SPTBN1: variants seen among roughly 807,000 people sequenced by gnomAD.
SPTBN1 encodes the protein spectrin beta chain, non-erythrocytic 1.
In SPTBN1, 32 loss-of-function variants were observed where a neutral mutation model predicts 266.4. The observed-to-expected ratio is 0.12, with a 90% CI of 0.09 to 0.16. The LOEUF (loss-of-function observed/expected upper bound fraction) is 0.16. Among genes scored for constraint, SPTBN1 ranks in the 10% least tolerant of loss-of-function variants. SPTBN1 has a pLI of 1.00. For missense variants in SPTBN1, 2,296 were observed against 3,067.1 expected (o/e 0.75, Z 5.94); for synonymous variants, 1,336 against 1,162.2 (o/e 1.15, Z -3.04).
In SPTBN1 at chr2:54,631,311, G is replaced by A; in HGVS notation, c.3264G>A (p.Glu1088=). 6.2e-7 allele frequency: 1 copy of A among 1,614,252 alleles called. No homozygotes were observed. The highest frequency in any genetic ancestry group is 8.5e-7 in the Non-Finnish European group (1 of 1,180,042). The change falls in exon 16 of 36, where the codon GAG becomes GAA. Residue 1088 remains glutamate, a synonymous_variant. Coordinates refer to ENST00000356805, the MANE Select transcript of SPTBN1 (RefSeq NM_003128.3). ...GGACCCAGACAGCGATCGCCTCGGA[G>A]GACATGCCAAACACCCTGACCGAGG... The part of the protein sequence containing the change: ...LSRTQTAIAS[E]DMPNTLTEAE...
Position 54,558,215 on chromosome 2 carries a change from CG to C in SPTBN1, c.148+31650del, listed in dbSNP as rs1673008583. The C allele has an allele frequency of 1.0e-6, 1 of 985,282 alleles. No individual in the cohort carries two copies. The highest frequency in any genetic ancestry group is 6.1e-5 in the Admixed American group (1 of 16,268). The allele number at this position is 985,282 out of a possible 1,614,324, so 61.0% of individuals were successfully genotyped here. ...CCGGGCGGCTGGGGCGACCGCGGAC[CG>C]TGCGGGACCGGTAGGGGGTCGCGGG... is the stretch of plus-strand genomic sequence containing the variant. On this transcript the variant is annotated intron_variant, in intron 2 of 35. Transcript: ENST00000356805. This position sits in a 1 kb window ranked among gnomAD's most constrained non-coding sequence, Gnocchi z 4.6.
Position 54,622,395 on chromosome 2 carries a change from T to C in SPTBN1, c.972T>C (p.Ile324=), listed in dbSNP as rs758463841. The C allele has an allele frequency of 6.9e-5, 111 of 1,614,084 alleles. No individual in the cohort carries two copies. The South Asian group carries it at 7.1e-4, about 10-fold the overall frequency. Residue 324 remains isoleucine, a synonymous_variant, in exon 9 of 36, where the codon ATT becomes ATC. Coordinates refer to ENST00000356805, the MANE Select transcript of SPTBN1 (RefSeq NM_003128.3). ...LLEWIEQTII[I]LNNRKFANSL... ...AATGGATTGAACAAACCATCATCAT[T>C]CTGAACAATCGCAAATTTGCCAATT...
At chr2:54,621,355 A>C in intron 7 of SPTBN1, 45 bp from the exon 8 acceptor site, 2 of 1,476,942 alleles carry the variant, frequency 1.4e-6, no homozygotes, top group Non-Finnish European at 1.9e-6. Context: ...TGGGTGGGGC[A>C]CAGTAGCATG....
chr2:54,474,018 A>T (rs571504619), intron 1 of SPTBN1, among the ~76,000 whole-genome samples: 3 of 152,346 alleles, frequency 2.0e-5, no homozygotes, highest in African/African-American at 7.2e-5. Context: ...GTGAAGGCAG[A>T]CGGAAACATT....
At chr2:54,538,084 T>C (rs1671714930) in intron 2 of SPTBN1, among the ~76,000 whole-genome samples, 1 of 152,216 alleles carries the variant, frequency 6.6e-6, no homozygotes, top group East Asian at 1.9e-4. Flanking sequence ...GATAAAGACA[T>C]TTTATAAAAT....
intron 4 of SPTBN1, 128 bp from the exon 5 acceptor site, chr2:54,616,079 G>C: frequency 3.0e-6 from 2 of 667,574 alleles, no homozygotes; most frequent in Non-Finnish European, 4.8e-6. Flanking sequence ...TCATTGACAG[G>C]GTAGATCGTC....
At chr2:54,551,581 T>G (rs766500785) in intron 2 of SPTBN1, among the ~76,000 whole-genome samples, 21 of 152,236 alleles carry the variant, frequency 1.4e-4, no homozygotes, top group Non-Finnish European at 2.2e-4. Flanking sequence ...GCCGTTTTTC[T>G]CCTCAGCAGT....
intron 1 of SPTBN1, among the ~76,000 whole-genome samples, chr2:54,471,800 A>ATTTTTTTTTTTTTCTTTTTTTTTTTT (rs1693934516): frequency 9.7e-6 from 1 of 102,718 alleles, no homozygotes; most frequent in Non-Finnish European, 1.9e-5. Context: ...TTTTTTATCG[A>ATTTTTTTTTTTTTCTTTTTTTTTTTT]TTTTTTTTTT....
chr2:54,670,417 G>A lies in SPTBN1; in HGVS notation c.*1848G>A. On this transcript the variant is annotated 3_prime_UTR_variant, in exon 36 of 36. Coordinates refer to ENST00000356805, the MANE Select transcript of SPTBN1 (RefSeq NM_003128.3). Reference sequence around the variant, plus strand: ...TTCCACAAAGACCATGCCTAAGGTGGCATCAGCCCTGGGCTCCACAGCTGC... The same window carrying A: ...TTCCACAAAGACCATGCCTAAGGTGACATCAGCCCTGGGCTCCACAGCTGC... 1 of 335,296 alleles carries A rather than the reference G, an allele frequency of 3.0e-6. No homozygotes were observed. The highest frequency in any genetic ancestry group is 5.4e-6 in the Non-Finnish European group (1 of 186,700). The allele number at this position is 335,296 out of a possible 1,614,324, so 20.8% of individuals were successfully genotyped here.
intron 2 of SPTBN1, 85 bp downstream of exon 2, chr2:54,526,651 C>A: frequency 1.4e-6 from 2 of 1,447,112 alleles, no homozygotes; most frequent in Non-Finnish European, 1.8e-6. Context: ...TCCCATGACG[C>A]TGTCATGTTC....
At chr2:54,484,786 TC>T (rs1050240781) in intron 1 of SPTBN1, among the ~76,000 whole-genome samples, 5 of 152,032 alleles carry the variant, frequency 3.3e-5, no homozygotes, top group South Asian at 2.1e-4. Context: ...GGAGACAAGC[TC>T]CCAGAAAGGC....
intron 28 of SPTBN1, 41 bp downstream of exon 28, chr2:54,655,249 G>C (rs368726919): frequency 1.2e-5 from 19 of 1,603,606 alleles, no homozygotes; most frequent in South Asian, 6.7e-5. Flanking sequence ...CTGGCGTCAA[G>C]ATGTAAAATG....
intron 2 of SPTBN1, among the ~76,000 whole-genome samples, chr2:54,594,891 A>G (rs559534484): frequency 3.8e-5 from 5 of 133,318 alleles, no homozygotes; most frequent in South Asian, 2.3e-4. Flanking sequence ...CTGGAGTGCA[A>G]TGGCACAATC....
chr2:54,599,620 T>C (rs1001840844), intron 3 of SPTBN1, among the ~76,000 whole-genome samples: 1 of 152,300 alleles, frequency 6.6e-6, no homozygotes, highest in South Asian at 2.1e-4. Context: ...TTTGTGTCTT[T>C]CTGGTTGTCT....
chr2:54,605,912 T>C (rs372593691), intron 3 of SPTBN1, among the ~76,000 whole-genome samples: 86 of 152,348 alleles, frequency 5.6e-4, no homozygotes, highest in Middle Eastern at 3.4e-3. Context: ...CCAGTCGCCA[T>C]CAGCATGGGG....
intron 2 of SPTBN1, among the ~76,000 whole-genome samples, chr2:54,547,103 C>T (rs1405826693): frequency 6.6e-6 from 1 of 152,126 alleles, no homozygotes; most frequent in Non-Finnish European, 1.5e-5. Flanking sequence ...ACTCTACACC[C>T]ATTAAACAAT....
intron 2 of SPTBN1, among the ~76,000 whole-genome samples, chr2:54,569,234 C>T (rs1673890314): frequency 6.6e-6 from 1 of 152,082 alleles, no homozygotes; most frequent in Admixed American, 6.6e-5. Context: ...CAGAACCGTC[C>T]TGATGGAAGG....
chr2:54,622,582 T>C, intron 9 of SPTBN1, 95 bp downstream of exon 9: 2 of 1,407,814 alleles, frequency 1.4e-6, no homozygotes, highest in Non-Finnish European at 2.0e-6. Flanking sequence ...TCTCATCTCT[T>C]AACTGAATGC....
intron 2 of SPTBN1, among the ~76,000 whole-genome samples, chr2:54,538,548 TC>T (rs1378320532): frequency 1.2e-4 from 18 of 152,366 alleles, no homozygotes; most frequent in African/African-American, 4.1e-4. Context: ...AGCCTTTTCA[TC>T]CTCTGGTTGA....
Sources: gnomAD v4.1 joint callset for allele counts (sites outside exome capture counted in the v4.1 genomes callset) on GRCh38, gnomAD v4.1.1 for gene constraint, Gnocchi (gnomAD v3.1) non-coding constraint, MANE v1.5 for transcripts, NCBI Gene and HGNC (gene_info 2026-07-23, HGNC 2026-07-21) for gene names.